TNRC6B: variants seen among roughly 807,000 people sequenced by gnomAD.
TNRC6B encodes the protein trinucleotide repeat-containing gene 6B protein.
TNRC6B carries 52 observed loss-of-function variants against 203.6 expected under a neutral mutation model. The ratio of observed to expected loss-of-function variants is 0.26; its 90% CI spans 0.20 to 0.32. The LOEUF (loss-of-function observed/expected upper bound fraction) is 0.32, where lower values mean the gene tolerates loss of function less well. Ranked by LOEUF, TNRC6B falls within the 10% of genes least tolerant of loss-of-function variation. The pLI is 1.00. For synonymous variants in TNRC6B, 838 were observed against 845.7 expected (o/e 0.99, Z 0.16); for missense variants, 1,923 against 2,286.2 (o/e 0.84, Z 3.24).
intron 3 of TNRC6B, among the ~76,000 whole-genome samples, chr22:40,254,661 G>A (rs903365729): frequency 2.0e-5 from 3 of 152,224 alleles, no homozygotes; most frequent in African/African-American, 7.2e-5. Flanking sequence ...GCCGAGGTGG[G>A]CAGATCACAA....
intron 1 of TNRC6B, among the ~76,000 whole-genome samples, chr22:40,064,435 G>A (rs1363687584): frequency 6.6e-6 from 1 of 151,360 alleles, no homozygotes; most frequent in African/African-American, 2.4e-5. Context: ...CCTAGTTTTG[G>A]GTGCATTTTT....
chr22:40,154,869 A>ATG (rs1681261219), intron 3 of TNRC6B, among the ~76,000 whole-genome samples: 1 of 39,856 alleles, frequency 2.5e-5, no homozygotes. Flanking sequence ...AAATATATAT[A>ATG]TATATATATA....
intron 3 of TNRC6B, among the ~76,000 whole-genome samples, chr22:40,254,020 A>G (rs994647592): frequency 1.3e-5 from 2 of 152,152 alleles, no homozygotes; most frequent in Admixed American, 6.6e-5. Context: ...TGTATTTCAG[A>G]GTAGTAGTGT....
At chr22:40,312,819 G>T in intron 18 of TNRC6B, 83 bp from the exon 19 acceptor site, 1 of 1,493,988 alleles carries the variant, frequency 6.7e-7, no homozygotes, top group South Asian at 1.2e-5. Context: ...TTCTATTGAA[G>T]TTTAAACAAA....
At chr22:40,272,862 G>A (rs985916200) in intron 6 of TNRC6B, among the ~76,000 whole-genome samples, 1 of 151,998 alleles carries the variant, frequency 6.6e-6, no homozygotes, top group African/African-American at 2.4e-5. Flanking sequence ...AGATTTCCAT[G>A]GCTATATGTG....
chr22:40,288,377 A>T (rs929197011), intron 12 of TNRC6B, among the ~76,000 whole-genome samples: 2 of 152,138 alleles, frequency 1.3e-5, no homozygotes, highest in Admixed American at 1.3e-4. Context: ...ACTATTAAAG[A>T]TTTTTCAGCT....
intron 2 of TNRC6B, among the ~76,000 whole-genome samples, chr22:40,117,551 T>A (rs1451613731): frequency 1.3e-5 from 2 of 152,214 alleles, no homozygotes; most frequent in Admixed American, 6.5e-5. Flanking sequence ...GTCCCACAGA[T>A]CCCTTCAAAC....
chr22:40,085,453 G>A (rs886406794), intron 1 of TNRC6B, among the ~76,000 whole-genome samples: 16 of 152,154 alleles, frequency 1.1e-4, no homozygotes, highest in African/African-American at 3.9e-4. Context: ...TTCTTTATCT[G>A]TAGCTTCCCT....
chr22:40,260,127 A>G (rs1289151654), intron 3 of TNRC6B, among the ~76,000 whole-genome samples: 2 of 152,254 alleles, frequency 1.3e-5, no homozygotes, highest in Non-Finnish European at 2.9e-5. Context: ...GTTTAAAAAA[A>G]TCAAATGATT....
At chr22:40,290,716 G>A (rs758646828) in intron 12 of TNRC6B, among the ~76,000 whole-genome samples, 7 of 150,592 alleles carry the variant, frequency 4.6e-5, no homozygotes, top group Non-Finnish European at 8.8e-5. Flanking sequence ...TCTGCCCCGC[G>A]CCTAGGAGTA....
intron 3 of TNRC6B, among the ~76,000 whole-genome samples, chr22:40,261,577 G>A (rs561777646): frequency 2.5e-4 from 38 of 151,942 alleles, no homozygotes; most frequent in Non-Finnish European, 4.7e-4. Flanking sequence ...CTGGGTGACA[G>A]TGTGAGACTC....
At chr22:40,239,002 A>G (rs2069988581) in intron 1 of TNRC6B, among the ~76,000 whole-genome samples, 1 of 152,010 alleles carries the variant, frequency 6.6e-6, no homozygotes, top group Non-Finnish European at 1.5e-5. Flanking sequence ...CAGGAGTTCA[A>G]GACCAGGCCA....
intron 3 of TNRC6B, among the ~76,000 whole-genome samples, chr22:40,151,323 G>A (rs1413530117): frequency 6.6e-6 from 1 of 152,000 alleles, no homozygotes; most frequent in Admixed American, 6.6e-5. Flanking sequence ...CAGCTCTTTG[G>A]GAGGCTGAGG....
intron 1 of TNRC6B, among the ~76,000 whole-genome samples, chr22:40,066,232 A>G (rs1259717018): frequency 6.6e-6 from 1 of 152,114 alleles, no homozygotes; most frequent in Non-Finnish European, 1.5e-5. Flanking sequence ...CTCAGGGATC[A>G]CATCACTGTC....
At chr22:40,286,701 A>G (rs899729158) in intron 12 of TNRC6B, among the ~76,000 whole-genome samples, 1 of 152,210 alleles carries the variant, frequency 6.6e-6, no homozygotes, top group Non-Finnish European at 1.5e-5. Context: ...CATGGGAACC[A>G]TTTAGGTCTG....
chr22:40,163,122 G>C (rs1312082123), intron 4 of TNRC6B, among the ~76,000 whole-genome samples: 1 of 151,954 alleles, frequency 6.6e-6, no homozygotes, highest in Non-Finnish European at 1.5e-5. Context: ...TACAGTAAGA[G>C]TAACTTCAAG....
chr22:40,080,303 C>T (rs535487085), intron 1 of TNRC6B, among the ~76,000 whole-genome samples: 1 of 151,572 alleles, frequency 6.6e-6, no homozygotes, highest in East Asian at 1.9e-4. Context: ...CATGATTTAT[C>T]CTTTCTCCAC....
chr22:40,204,920 C>T (rs959218898), intron 1 of TNRC6B, among the ~76,000 whole-genome samples: 22 of 152,190 alleles, frequency 1.4e-4, no homozygotes, highest in African/African-American at 5.1e-4. Context: ...AAATTAATGA[C>T]ATTAAACACT....
At chr22:40,146,911 T>C (rs4586733) in intron 3 of TNRC6B, among the ~76,000 whole-genome samples, 54,645 of 151,754 alleles carry the variant, frequency 0.36, 13,177 homozygotes, top group African/African-American at 0.69. Context: ...GCCTCTAAGA[T>C]TGGGTGAGAG....
Sources: allele counts gnomAD v4.1 joint callset (sites outside exome capture counted in the v4.1 genomes callset), GRCh38; gene constraint gnomAD v4.1.1; transcripts MANE v1.5; gene names NCBI Gene and HGNC (gene_info 2026-07-23, HGNC 2026-07-21).